MTMR7: variants seen among roughly 807,000 people sequenced by gnomAD.
MTMR7 encodes myotubularin related protein 7, also known as phosphatidylinositol-3-phosphate phosphatase MTMR7.
A neutral mutation model predicts 81.2 loss-of-function variants in MTMR7; 76 were observed. That is an observed-to-expected ratio of 0.94 (90% CI 0.78 to 1.13). The LOEUF is 1.13. Among genes scored for constraint, MTMR7 ranks in the 50% most tolerant of loss-of-function variants. The pLI, the probability that MTMR7 is intolerant of heterozygous loss-of-function variation, is 0.00. For synonymous variants in MTMR7, 372 were observed against 289.8 expected (o/e 1.28, Z -2.88); for missense variants, 1,044 against 820.0 (o/e 1.27, Z -3.34).
chr8:17,394,957 A>C (rs1821207445), intron 1 of MTMR7, among the ~76,000 whole-genome samples: 1 of 152,196 alleles, frequency 6.6e-6, no homozygotes, highest in Non-Finnish European at 1.5e-5. Flanking sequence ...AAAGCATTTT[A>C]AGCGTATAAT....
chr8:17,334,890 A>G, intron 6 of MTMR7, among the ~76,000 whole-genome samples: 1 of 152,284 alleles, frequency 6.6e-6, no homozygotes, highest in African/African-American at 2.4e-5. Context: ...CTTTAACACA[A>G]TCTGTAAGGA....
intron 7 of MTMR7, among the ~76,000 whole-genome samples, chr8:17,320,348 C>T (rs1352381007): frequency 6.6e-6 from 1 of 151,974 alleles, no homozygotes; most frequent in Non-Finnish European, 1.5e-5. Flanking sequence ...CTACATATTC[C>T]CTCACACACC....
chr8:17,364,031 T>TA (rs1563359344), intron 3 of MTMR7, among the ~76,000 whole-genome samples: 1 of 135,650 alleles, frequency 7.4e-6, no homozygotes, highest in Non-Finnish European at 1.6e-5. Flanking sequence ...ATTTTTTTTT[T>TA]TTTTTTTTTT....
intron 1 of MTMR7, among the ~76,000 whole-genome samples, chr8:17,404,203 C>T (rs910394793): frequency 1.3e-4 from 19 of 151,926 alleles, no homozygotes; most frequent in East Asian, 9.7e-4. Context: ...GTGGTAGGAA[C>T]GGAGGTGGGA....
chr8:17,299,762 G>A lies in MTMR7; in HGVS notation c.*100C>T. 3 of 1,499,084 alleles carry A rather than the reference G, an allele frequency of 2.0e-6. No individual in the cohort carries two copies. Among genetic ancestry groups the A allele is most frequent in the South Asian group, 1.3e-5 (1 of 76,740 alleles). 92.9% of individuals were successfully genotyped at this position (1,499,084 alleles called of 1,614,324 possible). Reference sequence around the variant, plus strand: ...TAGCTGCATTAAAGTAGTTCTCAATGACATGCACCATTTCCTGTTTTTACA... The same window carrying A: ...TAGCTGCATTAAAGTAGTTCTCAATAACATGCACCATTTCCTGTTTTTACA... On this transcript the variant is annotated 3_prime_UTR_variant, in exon 14 of 14. Coordinates refer to ENST00000180173, the MANE Select transcript of MTMR7 (RefSeq NM_004686.5).
chr8:17,304,398 GTGT>G lies in MTMR7; in HGVS notation c.1471_1473del (p.Thr491del). 6.2e-7 allele frequency: 1 copy of G among 1,613,540 alleles called. No homozygotes were observed. The highest frequency in any genetic ancestry group is 8.5e-7 in the Non-Finnish European group (1 of 1,179,586). On this transcript the variant is annotated inframe_deletion, in exon 12 of 14. Coordinates refer to ENST00000180173, the MANE Select transcript of MTMR7 (RefSeq NM_004686.5). ...ACATACTTGTACATGAAGTTACATG[GTGT>G]TGTAGGGAGATGAAGGGTTCCCTGA...
Position 17,401,130 on chromosome 8 carries a change from G to C in MTMR7, c.24+12139C>G, listed in dbSNP as rs75394313. On this transcript the variant is annotated intron_variant, in intron 1 of 13. Coordinates refer to ENST00000180173, the MANE Select transcript of MTMR7 (RefSeq NM_004686.5). ...GTGGTATGTGTATGTGTGTAGGTGT[G>C]TATGTATGTTACAGAAAAAATGCTA... Among the ~76,000 whole-genome samples the C allele has an allele frequency of 9.1e-3, 1,386 of 152,242 alleles. 11 individuals are homozygous for C. Among genetic ancestry groups the C allele is most frequent in the Middle Eastern group, 0.031 (9 of 294 alleles).
intron 13 of MTMR7, chr8:17,301,836 G>C: frequency 2.6e-6 from 1 of 387,472 alleles, no homozygotes; most frequent in African/African-American, 2.1e-5. Flanking sequence ...ATTTTATTCT[G>C]TTACTTTTTC....
intron 1 of MTMR7, among the ~76,000 whole-genome samples, chr8:17,399,839 A>G (rs909943401): frequency 2.0e-5 from 3 of 151,386 alleles, no homozygotes; most frequent in Non-Finnish European, 4.4e-5. Flanking sequence ...AAGAAAACAT[A>G]GTACATATAT....
chr8:17,383,093 G>A (rs1231622964), intron 1 of MTMR7, among the ~76,000 whole-genome samples: 3 of 151,844 alleles, frequency 2.0e-5, no homozygotes, highest in Non-Finnish European at 4.4e-5. Context: ...TGGGGGGTGT[G>A]GAAGGTCCCA....
intron 1 of MTMR7, among the ~76,000 whole-genome samples, chr8:17,390,324 G>A (rs1821070046): frequency 6.6e-6 from 1 of 151,690 alleles, no homozygotes; most frequent in Non-Finnish European, 1.5e-5. Flanking sequence ...GGGAGGAGGT[G>A]CCACACTCTT....
At chr8:17,315,688 G>A (rs1818028994) in intron 7 of MTMR7, among the ~76,000 whole-genome samples, 1 of 152,026 alleles carries the variant, frequency 6.6e-6, no homozygotes, top group African/African-American at 2.4e-5. Context: ...GGCCACAACT[G>A]CTCCAGATGT....
At chr8:17,392,785 AG>A (rs1393053092) in intron 1 of MTMR7, among the ~76,000 whole-genome samples, 1 of 152,252 alleles carries the variant, frequency 6.6e-6, no homozygotes, top group Non-Finnish European at 1.5e-5. Context: ...ATTGTGCAGC[AG>A]GGAGGTGAAT....
intron 1 of MTMR7, among the ~76,000 whole-genome samples, chr8:17,401,200 T>C (rs1385889953): frequency 1.3e-5 from 2 of 152,136 alleles, no homozygotes; most frequent in African/African-American, 4.8e-5. Flanking sequence ...TGAGGTGAGT[T>C]AGGATTGTTA....
At chr8:17,336,828 A>C (rs1265042699) in intron 6 of MTMR7, among the ~76,000 whole-genome samples, 1 of 152,166 alleles carries the variant, frequency 6.6e-6, no homozygotes, top group Non-Finnish European at 1.5e-5. Context: ...CAGAGGTGGT[A>C]ACCCCACAGA....
intron 7 of MTMR7, among the ~76,000 whole-genome samples, chr8:17,316,842 T>C (rs1383278747): frequency 6.6e-6 from 1 of 151,940 alleles, no homozygotes; most frequent in Non-Finnish European, 1.5e-5. Flanking sequence ...TCTGCGTGTG[T>C]GGATTTGAGA....
chr8:17,385,198 C>A (rs771699892), intron 1 of MTMR7, among the ~76,000 whole-genome samples: 9 of 152,150 alleles, frequency 5.9e-5, no homozygotes, highest in Non-Finnish European at 7.3e-5. Flanking sequence ...CAAATTGTAA[C>A]CCCCAGTGTT....
intron 6 of MTMR7, among the ~76,000 whole-genome samples, chr8:17,338,398 G>T (rs1416761092): frequency 2.0e-5 from 3 of 152,156 alleles, no homozygotes; most frequent in Admixed American, 6.5e-5. Flanking sequence ...AGGTGAATCT[G>T]TCTGGCTTTA....
chr8:17,395,404 C>T (rs1458511290), intron 1 of MTMR7, among the ~76,000 whole-genome samples: 2 of 152,018 alleles, frequency 1.3e-5, no homozygotes, highest in African/African-American at 4.8e-5. Flanking sequence ...CTGTTTGTGT[C>T]CCTGTTTTTA....
Sources: gnomAD v4.1 joint callset for allele counts (sites outside exome capture counted in the v4.1 genomes callset) on GRCh38, gnomAD v4.1.1 for gene constraint, MANE v1.5 for transcripts, NCBI Gene and HGNC (gene_info 2026-07-23, HGNC 2026-07-21) for gene names.